The following CACNA1D variants were observed in gnomAD, a reference collection of about 807,000 sequenced individuals.
The protein encoded by CACNA1D is calcium voltage-gated channel subunit alpha1 D, also known as voltage-dependent L-type calcium channel subunit alpha-1D.
A neutral mutation model predicts 257.1 loss-of-function variants in CACNA1D; 55 were observed. The ratio of observed to expected loss-of-function variants is 0.21; its 90% CI spans 0.17 to 0.27. The LOEUF (loss-of-function observed/expected upper bound fraction) is 0.27. Among genes scored for constraint, CACNA1D ranks in the 10% least tolerant of loss-of-function variants. The probability of loss-of-function intolerance (pLI) is 1.00; values close to 1 mark genes in which losing one functional copy is unlikely to be tolerated. For missense variants in CACNA1D, 1,876 were observed against 2,784.0 expected (o/e 0.67, Z 7.34); for synonymous variants, 980 against 1,014.9 (o/e 0.97, Z 0.65).
intron 3 of CACNA1D, among the ~76,000 whole-genome samples, chr3:53,606,520 G>T (rs754667825): frequency 6.6e-6 from 1 of 152,220 alleles, no homozygotes; most frequent in Admixed American, 6.5e-5. Context: ...CAGTAGAAAA[G>T]ACTTGGAAAT....
chr3:53,521,099 G>A (rs2091558495), intron 3 of CACNA1D, among the ~76,000 whole-genome samples: 1 of 150,694 alleles, frequency 6.6e-6, no homozygotes, highest in African/African-American at 2.5e-5. Flanking sequence ...GAGTACAGTG[G>A]TATCATCATA....
chr3:53,600,483 A>G (rs1230597895), intron 3 of CACNA1D, among the ~76,000 whole-genome samples: 2 of 152,196 alleles, frequency 1.3e-5, no homozygotes, highest in Non-Finnish European at 2.9e-5. Context: ...TTCACAACCC[A>G]TGAGATAGGA....
intron 46 of CACNA1D, 48 bp from the exon 47 acceptor site, chr3:53,809,930 C>G: frequency 6.4e-7 from 1 of 1,573,984 alleles, no homozygotes; most frequent in Non-Finnish European, 8.7e-7. Context: ...GTTTGAGGCC[C>G]GGACCTCTGA....
chr3:53,622,758 A>G (rs2093710820), intron 3 of CACNA1D, among the ~76,000 whole-genome samples: 1 of 152,228 alleles, frequency 6.6e-6, no homozygotes, highest in Non-Finnish European at 1.5e-5. Context: ...AAAAAAAGGT[A>G]GAAACAGCAT....
intron 45 of CACNA1D, among the ~76,000 whole-genome samples, chr3:53,806,153 CCTT>C (rs1232128365): frequency 7.6e-4 from 104 of 136,930 alleles, no homozygotes; most frequent in African/African-American, 2.5e-3. Flanking sequence ...CCCTCCTCCT[CCTT>C]CTTTTCCCTC....
chr3:53,732,135 C>T (rs2094999840), intron 18 of CACNA1D, 53 bp downstream of exon 18: 4 of 1,361,246 alleles, frequency 2.9e-6, no homozygotes, highest in Non-Finnish European at 3.2e-6. Flanking sequence ...TTTGCTACTG[C>T]TCTGTGACCA....
In CACNA1D at chr3:53,616,942, A is replaced by T. The variant is rs6786688; in HGVS notation, c.484-33837A>T. 9.9e-3 allele frequency among the ~76,000 whole-genome samples: 1,504 copies of T among 152,222 alleles called. 33 individuals carry two copies. Among genetic ancestry groups the T allele is most frequent in the African/African-American group, 0.034 (1,428 of 41,528 alleles). On this transcript the variant is annotated intron_variant, in intron 3 of 47. Transcript: ENST00000350061. ...GAGGGGAAAGAATGGTTGGTGTCAC[A>T]GTAGGAGTTTTGCACGTAGTTGAGG...
At position 53,801,338 on chromosome 3, in the gene CACNA1D, T is replaced by C; in HGVS notation, c.5321T>C (p.Ile1774Thr). 6.2e-7 allele frequency: 1 copy of C among 1,614,208 alleles called. No homozygotes were observed. Among genetic ancestry groups the C allele is most frequent in the Non-Finnish European group, 8.5e-7 (1 of 1,180,018 alleles). ...GCTGCCCATGGAAAGCGGCCCAGCA[T>C]TGGGAACCTTGAGCATGTGTCTGAA... ...SKAAHGKRPS[I>T]GNLEHVSENG... Residue 1774 changes from isoleucine to threonine, a missense_variant, in exon 42 of 48, where the codon ATT becomes ACT. Ile to Thr is a moderately conservative substitution (Grantham distance 89). Around this residue, in one of 10 missense-constraint regions of CACNA1D, gnomAD observed 491 missense variants for 554.3 expected, o/e 0.89. Transcript: ENST00000350061.
chr3:53,606,844 G>T (rs1174363089), intron 3 of CACNA1D, among the ~76,000 whole-genome samples: 1 of 152,070 alleles, frequency 6.6e-6, no homozygotes, highest in Non-Finnish European at 1.5e-5. Context: ...TCCTGACCCA[G>T]GCAAACACTG....
chr3:53,571,064 G>C (rs1406891603), intron 3 of CACNA1D, among the ~76,000 whole-genome samples: 3 of 152,192 alleles, frequency 2.0e-5, no homozygotes, highest in African/African-American at 7.2e-5. Context: ...TCACATCCTT[G>C]TCTGCCATTG....
At chr3:53,760,899 A>G (rs1156453526) in intron 29 of CACNA1D, among the ~76,000 whole-genome samples, 1 of 152,100 alleles carries the variant, frequency 6.6e-6, no homozygotes, top group Non-Finnish European at 1.5e-5. Context: ...AAGTTGGGGG[A>G]CTGAATATGC....
chr3:53,659,597 A>AT (rs1210165007), intron 4 of CACNA1D, among the ~76,000 whole-genome samples: 367 of 152,364 alleles, frequency 2.4e-3, no homozygotes, highest in African/African-American at 8.7e-3. Context: ...GCTGTTACAG[A>AT]ACCTGTGTTC....
At chr3:53,731,540 A>G (rs1452884875) in intron 17 of CACNA1D, among the ~76,000 whole-genome samples, 1 of 152,194 alleles carries the variant, frequency 6.6e-6, no homozygotes, top group East Asian at 1.9e-4. Context: ...CCTCAGGGCT[A>G]TACTGTAAAA....
chr3:53,585,313 C>T (rs2093196414), intron 3 of CACNA1D, among the ~76,000 whole-genome samples: 1 of 152,130 alleles, frequency 6.6e-6, no homozygotes, highest in Non-Finnish European at 1.5e-5. Flanking sequence ...AGCCAGGATA[C>T]TGGGAGTCAG....
At chr3:53,570,038 A>G (rs1360026954) in intron 3 of CACNA1D, among the ~76,000 whole-genome samples, 1 of 152,198 alleles carries the variant, frequency 6.6e-6, no homozygotes, top group East Asian at 1.9e-4. Context: ...ATTGCTTGCA[A>G]TTCAAAACTT....
chr3:53,773,272 C>G (rs1316700632), intron 33 of CACNA1D: 8 of 326,442 alleles, frequency 2.5e-5, no homozygotes, highest in Non-Finnish European at 4.7e-5. Context: ...GAACAGAAGG[C>G]TGGTGCTGAG....
At chr3:53,669,171 T>C (rs1270388755) in intron 7 of CACNA1D, among the ~76,000 whole-genome samples, 1 of 152,264 alleles carries the variant, frequency 6.6e-6, no homozygotes, top group Non-Finnish European at 1.5e-5. Context: ...TTGATTGCAT[T>C]TATTAGCTCA....
chr3:53,551,095 A>G (rs2092523799), intron 3 of CACNA1D, among the ~76,000 whole-genome samples: 1 of 152,218 alleles, frequency 6.6e-6, no homozygotes, highest in South Asian at 2.1e-4. Flanking sequence ...CCGCACTTGT[A>G]TTGGCTGGTT....
At chr3:53,647,225 C>A (rs904471210) in intron 3 of CACNA1D, among the ~76,000 whole-genome samples, 3 of 152,134 alleles carry the variant, frequency 2.0e-5, no homozygotes, top group Non-Finnish European at 4.4e-5. Context: ...GGATCTCCTG[C>A]CAGGGAGAAG....
Sources: gnomAD v4.1 joint callset for allele counts (sites outside exome capture counted in the v4.1 genomes callset) on GRCh38, gnomAD v4.1.1 for gene constraint, gnomAD v4.1.1 regional missense constraint, MANE v1.5 for transcripts, NCBI Gene and HGNC (gene_info 2026-07-23, HGNC 2026-07-21) for gene names.